FGF12: variants seen among roughly 807,000 people sequenced by gnomAD.
The protein encoded by FGF12 is fibroblast growth factor 12B.
In FGF12, 14 loss-of-function variants were observed where a neutral mutation model predicts 23.6. That is an observed-to-expected ratio of 0.59 (90% CI 0.39 to 0.93). The LOEUF (loss-of-function observed/expected upper bound fraction) is 0.93. Ranked by LOEUF, FGF12 falls within the 40% of genes least tolerant of loss-of-function variation. The pLI is 0.00. For missense variants in FGF12, 175 were observed against 217.8 expected (o/e 0.80, Z 1.24); for synonymous variants, 62 against 77.3 (o/e 0.80, Z 1.04).
intron 4 of FGF12, among the ~76,000 whole-genome samples, chr3:192,287,215 T>C (rs1714502655): frequency 6.6e-6 from 1 of 152,074 alleles, no homozygotes; most frequent in African/African-American, 2.4e-5. Context: ...CCATCCTTTA[T>C]TTACTAATTC....
chr3:192,667,792 G>C (rs911215227), intron 2 of FGF12, among the ~76,000 whole-genome samples: 16 of 151,824 alleles, frequency 1.1e-4, no homozygotes, highest in African/African-American at 3.9e-4. Flanking sequence ...GGAGGCGAGA[G>C]GTCAGAAAGA....
intron 2 of FGF12, among the ~76,000 whole-genome samples, chr3:192,548,145 T>G (rs1725541510): frequency 6.6e-6 from 1 of 152,162 alleles, no homozygotes; most frequent in South Asian, 2.1e-4. Context: ...CATTTCCTGT[T>G]TTTTAAGTGT....
At chr3:192,574,993 C>T (rs985652200) in intron 2 of FGF12, among the ~76,000 whole-genome samples, 5 of 152,158 alleles carry the variant, frequency 3.3e-5, no homozygotes, top group Non-Finnish European at 7.3e-5. Context: ...TGTACACATC[C>T]ATGAACAGAT....
At chr3:192,479,862 G>C (rs1723431240) in intron 2 of FGF12, among the ~76,000 whole-genome samples, 2 of 152,126 alleles carry the variant, frequency 1.3e-5, no homozygotes, top group South Asian at 4.1e-4. Context: ...TACAGGTAAT[G>C]AAGACCCTAT....
intron 2 of FGF12, among the ~76,000 whole-genome samples, chr3:192,363,456 C>T (rs961681630): frequency 1.4e-4 from 22 of 152,146 alleles, no homozygotes; most frequent in Admixed American, 1.4e-3. Context: ...CTCTGAGCAC[C>T]CATCTCTGAG....
At chr3:192,355,346 A>G (rs1448595487) in intron 3 of FGF12, among the ~76,000 whole-genome samples, 1 of 152,232 alleles carries the variant, frequency 6.6e-6, no homozygotes. Flanking sequence ...CTGATAGATC[A>G]ATATAGTAGA....
intron 2 of FGF12, among the ~76,000 whole-genome samples, chr3:192,370,211 T>C (rs754203302): frequency 1.3e-5 from 2 of 152,204 alleles, no homozygotes; most frequent in Non-Finnish European, 2.9e-5. Context: ...TTTAAGTCAA[T>C]GATGTCCAAA....
intron 2 of FGF12, among the ~76,000 whole-genome samples, chr3:192,571,328 A>C (rs940133513): frequency 3.3e-5 from 5 of 152,174 alleles, no homozygotes; most frequent in Non-Finnish European, 5.9e-5. Context: ...ACAAACAAAC[A>C]AAAAAACCAA....
intron 2 of FGF12, among the ~76,000 whole-genome samples, chr3:192,390,783 TC>T (rs1338945793): frequency 6.6e-6 from 1 of 152,016 alleles, no homozygotes. Flanking sequence ...ATAAGTGGGG[TC>T]CCCAACGTGG....
At chr3:192,190,432 GATA>G (rs982658722) in intron 4 of FGF12, among the ~76,000 whole-genome samples, 9 of 143,724 alleles carry the variant, frequency 6.3e-5, no homozygotes, top group Non-Finnish European at 1.2e-4. Context: ...ACTATACATT[GATA>G]ATTAAAATCT....
intron 2 of FGF12, among the ~76,000 whole-genome samples, chr3:192,533,370 A>G (rs1225790620): frequency 1.3e-5 from 2 of 152,200 alleles, no homozygotes; most frequent in African/African-American, 4.8e-5. Context: ...TTTTAAAGTA[A>G]TACAGTTAAT....
chr3:192,680,391 T>C (rs1717479902), intron 2 of FGF12, among the ~76,000 whole-genome samples: 1 of 152,278 alleles, frequency 6.6e-6, no homozygotes, highest in East Asian at 1.9e-4. Flanking sequence ...CTGGAAGAGC[T>C]ATAAACCCAA....
chr3:192,530,546 A>C (rs998034039), intron 2 of FGF12, among the ~76,000 whole-genome samples: 1 of 152,196 alleles, frequency 6.6e-6, no homozygotes, highest in Non-Finnish European at 1.5e-5. Context: ...TTATTTTAAT[A>C]ATTTCTCTTC....
At chr3:192,511,427 C>T (rs1724472015) in intron 2 of FGF12, among the ~76,000 whole-genome samples, 1 of 152,164 alleles carries the variant, frequency 6.6e-6, no homozygotes, top group African/African-American at 2.4e-5. Flanking sequence ...GCAATTTTAA[C>T]ACCACTCTGA....
chr3:192,364,449 C>G (rs1303109189), intron 2 of FGF12, among the ~76,000 whole-genome samples: 1 of 152,186 alleles, frequency 6.6e-6, no homozygotes, highest in African/African-American at 2.4e-5. Context: ...GCAAATACTG[C>G]AAGCATTTCA....
chr3:192,465,666 T>C (rs1212942169), intron 2 of FGF12, among the ~76,000 whole-genome samples: 1 of 152,184 alleles, frequency 6.6e-6, no homozygotes. Context: ...TAAATTTTGA[T>C]AGCTGCTAGG....
chr3:192,214,438 T>A (rs541329438), intron 4 of FGF12, among the ~76,000 whole-genome samples: 1 of 152,190 alleles, frequency 6.6e-6, no homozygotes, highest in Admixed American at 6.5e-5. Flanking sequence ...AATGGTACTG[T>A]CAAATATTTT....
intron 2 of FGF12, among the ~76,000 whole-genome samples, chr3:192,527,225 C>G (rs1724965952): frequency 6.6e-6 from 1 of 152,150 alleles, no homozygotes; most frequent in Admixed American, 6.5e-5. Context: ...AAGGCCCTCA[C>G]CAGATGCTAG....
intron 4 of FGF12, among the ~76,000 whole-genome samples, chr3:192,266,692 A>AT (rs1343360338): frequency 6.6e-6 from 1 of 151,854 alleles, no homozygotes; most frequent in African/African-American, 2.4e-5. Flanking sequence ...AATACTTTCC[A>AT]TTTTTTTCTG....
Sources: gnomAD v4.1 joint callset for allele counts (sites outside exome capture counted in the v4.1 genomes callset) on GRCh38, gnomAD v4.1.1 for gene constraint, MANE v1.5 for transcripts, NCBI Gene and HGNC (gene_info 2026-07-23, HGNC 2026-07-21) for gene names.